The following AKAP13 variants were observed in gnomAD, a reference collection of about 807,000 sequenced individuals.
AKAP13 encodes the protein A-kinase anchor protein 13.
A neutral mutation model predicts 264.5 loss-of-function variants in AKAP13; 80 were observed. The ratio of observed to expected loss-of-function variants is 0.30; its 90% confidence interval spans 0.25 to 0.36. The LOEUF is 0.36. AKAP13 is among the 10% of genes least tolerant of loss of function. AKAP13 has a pLI of 1.00. For missense variants in AKAP13, 3,712 were observed against 3,435.2 expected (o/e 1.08, Z -2.01); for synonymous variants, 1,380 against 1,250.2 (o/e 1.10, Z -2.19).
chr15:85,399,312 A>C (rs904763857), intron 1 of AKAP13, among the ~76,000 whole-genome samples: 1 of 150,472 alleles, frequency 6.6e-6, no homozygotes, highest in Non-Finnish European at 1.5e-5. Context: ...CTGGCTAACA[A>C]GGTGAAACCC....
intron 8 of AKAP13, among the ~76,000 whole-genome samples, chr15:85,592,046 C>CTTTTT: frequency 9.5e-6 from 1 of 105,278 alleles, no homozygotes; most frequent in Non-Finnish European, 1.9e-5. Flanking sequence ...GAACCATGAT[C>CTTTTT]TTTTTTTTTT....
At chr15:85,574,344 G>A (rs1209191636) in intron 5 of AKAP13, among the ~76,000 whole-genome samples, 4 of 152,168 alleles carry the variant, frequency 2.6e-5, no homozygotes, top group East Asian at 1.9e-4. Context: ...CAGGCATTAC[G>A]GGCATGGGTA....
intron 3 of AKAP13, 39 bp downstream of exon 3, chr15:85,521,614 T>C (rs2076825656): frequency 6.3e-7 from 1 of 1,599,772 alleles, no homozygotes; most frequent in South Asian, 1.1e-5. Context: ...CTTTTCCTAG[T>C]TCTTAAACCC....
At chr15:85,681,400 GATAAAA>G (rs561259079) in intron 14 of AKAP13, among the ~76,000 whole-genome samples, 14 of 152,230 alleles carry the variant, frequency 9.2e-5, no homozygotes, top group African/African-American at 2.6e-4. Context: ...ACATGTGGTA[GATAAAA>G]ATAATAATAT....
At chr15:85,584,707 A>G (rs1053860031) in intron 7 of AKAP13, among the ~76,000 whole-genome samples, 3 of 152,210 alleles carry the variant, frequency 2.0e-5, no homozygotes, top group South Asian at 2.1e-4. Context: ...ACTTTTGTAC[A>G]TGTCATGTGC....
At chr15:85,513,177 A>G (rs2880764) in intron 2 of AKAP13, among the ~76,000 whole-genome samples, 72,923 of 151,974 alleles carry the variant, frequency 0.48, 18,183 homozygotes, top group Middle Eastern at 0.61. Flanking sequence ...TATTTTTCCT[A>G]GGTCCTCGGG....
At chr15:85,472,200 A>AC (rs898649317) in intron 1 of AKAP13, among the ~76,000 whole-genome samples, 1 of 139,350 alleles carries the variant, frequency 7.2e-6, no homozygotes, top group African/African-American at 2.9e-5. Flanking sequence ...TACTAGGTTA[A>AC]AAAAAAAACA....
At chr15:85,619,965 G>A in intron 8 of AKAP13, 1 of 1,464,784 alleles carries the variant, frequency 6.8e-7, no homozygotes, top group Non-Finnish European at 9.0e-7. Flanking sequence ...ATAGAGAGGA[G>A]TCTGGAAGGC....
At chr15:85,458,669 A>AT (rs1456048532) in intron 1 of AKAP13, among the ~76,000 whole-genome samples, 1 of 152,132 alleles carries the variant, frequency 6.6e-6, no homozygotes, top group African/African-American at 2.4e-5. Context: ...TAGGGTGATC[A>AT]TTTTGAATGG....
chr15:85,391,877 C>T (rs919649210), intron 1 of AKAP13, among the ~76,000 whole-genome samples: 16 of 151,946 alleles, frequency 1.1e-4, no homozygotes, highest in Non-Finnish European at 1.9e-4. Context: ...CTCCGTCTCC[C>T]AGGTTCAAGC....
intron 5 of AKAP13, among the ~76,000 whole-genome samples, chr15:85,564,049 C>G (rs981129312): frequency 8.5e-5 from 13 of 152,166 alleles, no homozygotes; most frequent in African/African-American, 3.1e-4. Context: ...AACCGGAATA[C>G]TACCACTTTG....
chr15:85,683,987 C>G (rs1363568347), intron 15 of AKAP13, among the ~76,000 whole-genome samples: 1 of 152,192 alleles, frequency 6.6e-6, no homozygotes, highest in Non-Finnish European at 1.5e-5. Context: ...GACCAGTCCA[C>G]AGTCCTGATT....
At chr15:85,737,207 A>C (rs911998207) in intron 33 of AKAP13, among the ~76,000 whole-genome samples, 1 of 152,118 alleles carries the variant, frequency 6.6e-6, no homozygotes, top group Non-Finnish European at 1.5e-5. Context: ...GGCATGAGCC[A>C]CCGCGCCCAG....
rs1195653724 is a variant in AKAP13, at chr15:85,569,627, A to AT, written c.663-5499dup. ...GCCACTACACCCGGCTAATTTTTGT[A>AT]TTTTTGGTAGAGAGGGGGTTTCGCC... On this transcript the variant is annotated intron_variant, in intron 5 of 36. Coordinates refer to ENST00000394518, the MANE Select transcript of AKAP13 (RefSeq NM_007200.5). 1.1e-4 allele frequency among the ~76,000 whole-genome samples: 17 copies of AT among 151,646 alleles called. 1 individual carries two copies. In the Middle Eastern group the frequency reaches 0.02, roughly 182 times the overall value.
chr15:85,658,515 C>A, intron 11 of AKAP13, 22 bp from the exon 12 acceptor site: 1 of 1,613,040 alleles, frequency 6.2e-7, no homozygotes, highest in Non-Finnish European at 8.5e-7. Context: ...GCAACACTGA[C>A]CTCTTCACCA....
In AKAP13 at chr15:85,712,403, A is replaced by G. The variant is rs868838482; in HGVS notation, c.5599+1758A>G. ...CCCATTCCACATACTTTTTATGTCT[A>G]GCTTCCTAAAATGCTTTTTTTCTTG... is the stretch of plus-strand genomic sequence containing the variant. On this transcript the variant is annotated intron_variant, in intron 19 of 36. Coordinates refer to ENST00000394518, the MANE Select transcript of AKAP13 (RefSeq NM_007200.5). 4.6e-5 allele frequency among the ~76,000 whole-genome samples: 7 copies of G among 152,302 alleles called. No individual in the cohort carries two copies. The South Asian group carries it at 1.2e-3, about 27-fold the overall frequency.
intron 7 of AKAP13, 97 bp downstream of exon 7, chr15:85,582,204 T>C: frequency 7.4e-7 from 1 of 1,351,456 alleles, no homozygotes; most frequent in Middle Eastern, 2.7e-4. Context: ...CTTTGTTGTT[T>C]TGAGGCCTTG....
At chr15:85,532,552 C>A (rs184922382) in intron 3 of AKAP13, among the ~76,000 whole-genome samples, 35 of 152,350 alleles carry the variant, frequency 2.3e-4, no homozygotes, top group Admixed American at 1.0e-3. Flanking sequence ...ACTTTCTTTT[C>A]TGTCATCAGA....
chr15:85,731,323 A>T (rs187106250), intron 30 of AKAP13, among the ~76,000 whole-genome samples: 2 of 152,078 alleles, frequency 1.3e-5, no homozygotes, highest in African/African-American at 4.8e-5. Context: ...ACTTACTTAT[A>T]TATCTTTATG....
Sources: gnomAD v4.1 joint callset for allele counts (sites outside exome capture counted in the v4.1 genomes callset) on GRCh38, gnomAD v4.1.1 for gene constraint, MANE v1.5 for transcripts, NCBI Gene and HGNC (gene_info 2026-07-23, HGNC 2026-07-21) for gene names.